CSNK1G1: variants seen among roughly 807,000 people sequenced by gnomAD.
CSNK1G1 encodes casein kinase I isoform gamma-1.
In CSNK1G1, 22 loss-of-function variants were observed where a neutral mutation model predicts 59.6. The observed-to-expected ratio is 0.37, with a 90% confidence interval of 0.26 to 0.53. The LOEUF is 0.53. CSNK1G1 is among the 20% of genes least tolerant of loss of function. The probability of loss-of-function intolerance (pLI) is 0.89; values close to 1 mark genes in which losing one functional copy is unlikely to be tolerated. For missense variants in CSNK1G1, 384 were observed against 519.5 expected, an observed-to-expected ratio of 0.74 and a Z score of 2.54; for synonymous variants, 179 against 177.1, an observed-to-expected ratio of 1.01 and a Z score of -0.08.
chr15:64,230,789 G>A (rs1468611949), intron 4 of CSNK1G1, among the ~76,000 whole-genome samples: 1 of 151,910 alleles, frequency 6.6e-6, no homozygotes, highest in African/African-American at 2.4e-5. Flanking sequence ...TGGCTAACAC[G>A]GTGAAACCCC....
intron 1 of CSNK1G1, among the ~76,000 whole-genome samples, chr15:64,323,458 T>A (rs1261096389): frequency 2.0e-5 from 3 of 151,982 alleles, no homozygotes; most frequent in African/African-American, 7.3e-5. Context: ...CTCTGCCTCC[T>A]GGGTACAAGC....
rs1437549432 is a variant in CSNK1G1, at chr15:64,214,634, T to C, written c.445-510A>G. Among the ~76,000 whole-genome samples the C allele has an allele frequency of 6.6e-6, 1 of 152,162 alleles. No homozygotes were observed. The highest frequency in any genetic ancestry group is 2.4e-5 in the African/African-American group (1 of 41,428). ...ACTGGCCTGACATCACATAGCTAAT[T>C]AGCAGCAGAGACAGGGAAACAGTTC... On this transcript the variant is annotated intron_variant, in intron 5 of 11. Transcript: ENST00000303052. The surrounding 1 kb of genome is among the most constrained non-coding windows in gnomAD (Gnocchi z 4.3).
chr15:64,342,052 T>C (rs1897707583), intron 1 of CSNK1G1, among the ~76,000 whole-genome samples: 1 of 152,336 alleles, frequency 6.6e-6, no homozygotes, highest in East Asian at 1.9e-4. Flanking sequence ...TGTTACCCAC[T>C]GTATGCACTA....
At chr15:64,329,006 G>A (rs1896987260) in intron 1 of CSNK1G1, among the ~76,000 whole-genome samples, 1 of 146,414 alleles carries the variant, frequency 6.8e-6, no homozygotes, top group Non-Finnish European at 1.5e-5. Context: ...CAATACAGGA[G>A]CACCCAGATT....
At chr15:64,224,296 G>C (rs1011850303) in intron 4 of CSNK1G1, among the ~76,000 whole-genome samples, 8 of 152,062 alleles carry the variant, frequency 5.3e-5, no homozygotes, top group African/African-American at 1.9e-4. Context: ...GTTTCTGAGG[G>C]ATCAGGCAAT....
chr15:64,315,562 T>C (rs1376001230), intron 1 of CSNK1G1: 6 of 152,196 alleles, frequency 3.9e-5, no homozygotes, highest in African/African-American at 1.4e-4. Flanking sequence ...TTATTCCTTT[T>C]CAAAAAGGAC....
At chr15:64,309,365 C>T (rs558936823) in intron 1 of CSNK1G1, among the ~76,000 whole-genome samples, 1 of 150,464 alleles carries the variant, frequency 6.6e-6, no homozygotes, top group South Asian at 2.1e-4. Flanking sequence ...TAAATGAGTT[C>T]TCAATCTTGG....
intron 11 of CSNK1G1, among the ~76,000 whole-genome samples, chr15:64,178,482 CTTTTTTTTT>C (rs1175775132): frequency 2.4e-5 from 3 of 123,762 alleles, no homozygotes; most frequent in African/African-American, 9.3e-5. Flanking sequence ...CAAAAATTTT[CTTTTTTTTT>C]TTTTTTTTTG....
rs575067465 is a variant in CSNK1G1, at chr15:64,351,230, G to A, written c.-225+4758C>T. Among the ~76,000 whole-genome samples, 90 of 152,242 alleles carry A rather than the reference G, an allele frequency of 5.9e-4. 1 individual carries two copies. Among genetic ancestry groups the A allele is most frequent in the African/African-American group, 2.0e-3 (82 of 41,562 alleles). ...TTGAGTAAAAAGAAAGCACCGCCTG[G>A]ACTTTTTAATAACATTTTCACAGTA... On this transcript the variant is annotated intron_variant, in intron 1 of 11. Coordinates refer to ENST00000303052, the MANE Select transcript of CSNK1G1 (RefSeq NM_022048.5).
intron 1 of CSNK1G1, among the ~76,000 whole-genome samples, chr15:64,332,819 A>C (rs1350989249): frequency 2.0e-5 from 3 of 152,156 alleles, no homozygotes; most frequent in Non-Finnish European, 2.9e-5. Flanking sequence ...GTTTAAAGTT[A>C]CATAAAATTT....
At chr15:64,180,662 C>G (rs1457280396) in intron 10 of CSNK1G1, among the ~76,000 whole-genome samples, 1 of 152,212 alleles carries the variant, frequency 6.6e-6, no homozygotes, top group Non-Finnish European at 1.5e-5. Context: ...AACTTACATA[C>G]TGAGTGCCTA....
At chr15:64,339,878 T>C (rs1200740584) in intron 1 of CSNK1G1, among the ~76,000 whole-genome samples, 1 of 152,196 alleles carries the variant, frequency 6.6e-6, no homozygotes, top group Non-Finnish European at 1.5e-5. Flanking sequence ...AATGGTCTTT[T>C]CAAACTCTCA....
chr15:64,206,585 TCAAAAAAAA>T (rs2082184595), intron 7 of CSNK1G1, among the ~76,000 whole-genome samples: 1 of 41,358 alleles, frequency 2.4e-5, no homozygotes. Context: ...AAACTCTGTC[TCAAAAAAAA>T]AAAAAAAAAA....
intron 1 of CSNK1G1, among the ~76,000 whole-genome samples, chr15:64,308,357 CCA>C (rs1242582275): frequency 1.1e-4 from 17 of 152,122 alleles, no homozygotes; most frequent in Admixed American, 9.2e-4. Context: ...CCTTGGCCTC[CCA>C]CAGTGTTGGG....
intron 2 of CSNK1G1, among the ~76,000 whole-genome samples, chr15:64,291,335 C>A (rs1356835857): frequency 6.6e-6 from 1 of 152,104 alleles, no homozygotes; most frequent in Non-Finnish European, 1.5e-5. Flanking sequence ...GCCTGTAATC[C>A]CAGCACTTTG....
intron 4 of CSNK1G1, among the ~76,000 whole-genome samples, chr15:64,226,911 C>T (rs2082470318): frequency 6.6e-6 from 1 of 152,196 alleles, no homozygotes; most frequent in African/African-American, 2.4e-5. Context: ...CCCTTCCTGA[C>T]AATCGTGCCC....
chr15:64,197,622 T>C (rs1219207830), intron 10 of CSNK1G1, among the ~76,000 whole-genome samples: 1 of 152,198 alleles, frequency 6.6e-6, no homozygotes, highest in African/African-American at 2.4e-5. Context: ...TTTGCCCTAC[T>C]ATAACCCATC....
intron 3 of CSNK1G1, among the ~76,000 whole-genome samples, chr15:64,257,583 G>A (rs1892450485): frequency 6.6e-6 from 1 of 152,172 alleles, no homozygotes; most frequent in Non-Finnish European, 1.5e-5. Flanking sequence ...AGAGGTGCAA[G>A]CAATCTCAGC....
chr15:64,206,255 T>C (rs2082178518), intron 7 of CSNK1G1, among the ~76,000 whole-genome samples: 1 of 151,520 alleles, frequency 6.6e-6, no homozygotes, highest in South Asian at 2.1e-4. Context: ...GTCTGGCCAA[T>C]ATGGTGAAAC....
Sources: gnomAD v4.1 joint callset for allele counts (sites outside exome capture counted in the v4.1 genomes callset) on GRCh38, gnomAD v4.1.1 for gene constraint, Gnocchi (gnomAD v3.1) non-coding constraint, MANE v1.5 for transcripts, NCBI Gene and HGNC (gene_info 2026-07-23, HGNC 2026-07-21) for gene names.